Variants in EYS observed in about 807,000 individuals in gnomAD.
The protein encoded by EYS is EGF-like photoreceptor maintenance factor, also known as protein eyes shut homolog.
A neutral mutation model predicts 282.1 loss-of-function variants in EYS; 250 were observed. The ratio of observed to expected loss-of-function variants is 0.89; its 90% confidence interval spans 0.80 to 0.98. The LOEUF (loss-of-function observed/expected upper bound fraction) is 0.98. Ranked by LOEUF, EYS falls within the 50% of genes least tolerant of loss-of-function variation. EYS has a pLI of 0.00. For synonymous variants in EYS, 1,355 were observed against 1,282.9 expected, an observed-to-expected ratio of 1.06 and a Z score of -1.20; for missense variants, 4,016 against 3,709.0, an observed-to-expected ratio of 1.08 and a Z score of -2.15.
At chr6:64,002,034 C>G (rs1221649281) in intron 33 of EYS, among the ~76,000 whole-genome samples, 5 of 152,192 alleles carry the variant, frequency 3.3e-5, no homozygotes, top group Admixed American at 3.3e-4. Flanking sequence ...ATCCTATGCC[C>G]ATATAAACCT....
rs777361054 is a variant in EYS at position 65,495,378 on chromosome 6, C to G, written c.33G>C (p.Leu11=). 153 of 1,612,670 alleles carry G rather than the reference C, an allele frequency of 9.5e-5. 1 individual carries two copies. The South Asian group carries it at 1.6e-3, about 17-fold the overall frequency. The stretch of plus-strand genomic sequence containing the variant: ...TTATGAAAGAGCTGTGAAAAACCAT[C>G]AGGCTCAGAATGACGATTGATTTGT... MTDKSIVILS[L]MVFHSSFING... Residue 11 remains leucine, a synonymous_variant, in exon 4 of 43, where the codon CTG becomes CTC. Coordinates refer to ENST00000503581, the MANE Select transcript of EYS (RefSeq NM_001142800.2).
At chr6:65,386,384 G>T (rs9345617) in intron 7 of EYS, among the ~76,000 whole-genome samples, 1 of 151,058 alleles carries the variant, frequency 6.6e-6, no homozygotes, top group African/African-American at 2.4e-5. Context: ...AGAAACATGC[G>T]CTTGTATCCC....
At chr6:65,089,770 A>G (rs1477709086) in intron 12 of EYS, among the ~76,000 whole-genome samples, 2 of 151,826 alleles carry the variant, frequency 1.3e-5, no homozygotes, top group African/African-American at 4.8e-5. Flanking sequence ...CCCAGCCAAC[A>G]TGACAAAACC....
At chr6:65,162,162 G>A (rs1764865369) in intron 12 of EYS, among the ~76,000 whole-genome samples, 1 of 151,148 alleles carries the variant, frequency 6.6e-6, no homozygotes, top group Non-Finnish European at 1.5e-5. Context: ...AAGTGTATTT[G>A]ACTACAACAC....
chr6:63,832,681 A>G (rs1771678003), intron 36 of EYS, among the ~76,000 whole-genome samples: 1 of 152,192 alleles, frequency 6.6e-6, no homozygotes, highest in South Asian at 2.1e-4. Context: ...ATTCCAATCA[A>G]TAGAAAAAGA....
chr6:65,109,016 T>TA, intron 12 of EYS, among the ~76,000 whole-genome samples: 1 of 152,222 alleles, frequency 6.6e-6, no homozygotes, highest in East Asian at 1.9e-4. Context: ...TCAGAAATTG[T>TA]ATTTTTTTTA....
At chr6:63,978,599 C>T (rs1766950190) in intron 35 of EYS, among the ~76,000 whole-genome samples, 1 of 151,810 alleles carries the variant, frequency 6.6e-6, no homozygotes, top group African/African-American at 2.4e-5. Context: ...GGGTTAGATA[C>T]AGAGTAAAAA....
intron 22 of EYS, among the ~76,000 whole-genome samples, chr6:64,656,031 GT>G (rs758448370): frequency 3.3e-5 from 5 of 152,000 alleles, no homozygotes; most frequent in African/African-American, 7.2e-5. Context: ...TCACTTTTAT[GT>G]TTGCTTCTAT....
chr6:65,223,966 C>T (rs58198454), intron 12 of EYS, among the ~76,000 whole-genome samples: 36,984 of 152,048 alleles, frequency 0.24, 4,687 homozygotes, highest in Middle Eastern at 0.28. Flanking sequence ...CTTAAGGTAA[C>T]TTGTACACGA....
intron 13 of EYS, among the ~76,000 whole-genome samples, chr6:65,053,355 A>G (rs1350773859): frequency 1.3e-5 from 2 of 151,838 alleles, no homozygotes; most frequent in Non-Finnish European, 2.9e-5. Context: ...ACATTTTCAA[A>G]CAAATTCATA....
At chr6:63,998,819 C>A (rs936696885) in intron 34 of EYS, among the ~76,000 whole-genome samples, 2 of 147,434 alleles carry the variant, frequency 1.4e-5, no homozygotes, top group East Asian at 4.0e-4. Context: ...AAGTCAAGCA[C>A]AATGTATTAA....
At chr6:65,086,089 A>G (rs1006860078) in intron 12 of EYS, among the ~76,000 whole-genome samples, 1 of 149,298 alleles carries the variant, frequency 6.7e-6, no homozygotes, top group Non-Finnish European at 1.5e-5. Flanking sequence ...TAAATATGAT[A>G]GTTTGAAATT....
chr6:64,981,208 C>G (rs1770653205), intron 14 of EYS, among the ~76,000 whole-genome samples: 1 of 151,264 alleles, frequency 6.6e-6, no homozygotes, highest in South Asian at 2.1e-4. Context: ...CTTTCAAGAA[C>G]TGACATGAGA....
In EYS at chr6:65,696,747, G is replaced by A. The variant is rs1263163608; in HGVS notation, c.-448+10388C>T. On this transcript the variant is annotated intron_variant, in intron 1 of 42. Coordinates refer to ENST00000503581, the MANE Select transcript of EYS (RefSeq NM_001142800.2). ...TTTTAATAATGATAAATAATTCAAA[G>A]ATCACTTAAGCCATTGTAAATAAAA... Among the ~76,000 whole-genome samples the A allele has an allele frequency of 6.6e-5, 10 of 151,942 alleles. No homozygotes were observed. The South Asian group carries it at 2.1e-3, about 31-fold the overall frequency.
chr6:63,805,052 G>T (rs1582224055), intron 37 of EYS, among the ~76,000 whole-genome samples: 1 of 151,316 alleles, frequency 6.6e-6, no homozygotes, highest in Non-Finnish European at 1.5e-5. Flanking sequence ...AAGAGTGTTT[G>T]GTATTAAGAG....
intron 2 of EYS, among the ~76,000 whole-genome samples, chr6:65,524,988 G>C (rs773066853): frequency 3.9e-5 from 6 of 152,072 alleles, no homozygotes; most frequent in Non-Finnish European, 7.4e-5. Context: ...ATGGTGACTG[G>C]AAGTCCACGT....
intron 24 of EYS, among the ~76,000 whole-genome samples, chr6:64,596,069 G>A (rs1304184135): frequency 6.6e-6 from 1 of 152,034 alleles, no homozygotes; most frequent in African/African-American, 2.4e-5. Context: ...AACAAAGAGA[G>A]AGAGAGCCAG....
At chr6:64,817,702 T>C (rs1472865808) in intron 21 of EYS, among the ~76,000 whole-genome samples, 1 of 152,126 alleles carries the variant, frequency 6.6e-6, no homozygotes, top group African/African-American at 2.4e-5. Flanking sequence ...GAACATATGG[T>C]ATTTGTTTTT....
At chr6:64,753,686 C>G (rs749983247) in intron 22 of EYS, among the ~76,000 whole-genome samples, 7 of 151,180 alleles carry the variant, frequency 4.6e-5, no homozygotes, top group Non-Finnish European at 7.4e-5. Context: ...GCACCACTAA[C>G]AGCACTAGAT....
Sources: gnomAD v4.1 joint callset for allele counts (sites outside exome capture counted in the v4.1 genomes callset) on GRCh38, gnomAD v4.1.1 for gene constraint, MANE v1.5 for transcripts, NCBI Gene and HGNC (gene_info 2026-07-23, HGNC 2026-07-21) for gene names.